PRKG1: variants seen among roughly 807,000 people sequenced by gnomAD.
PRKG1 encodes protein kinase cGMP-dependent 1.
PRKG1 carries 35 observed loss-of-function variants against 88.1 expected under a neutral mutation model. That is an observed-to-expected ratio of 0.40 (90% confidence interval 0.30 to 0.53). The LOEUF (loss-of-function observed/expected upper bound fraction) is 0.53, where lower values mean the gene tolerates loss of function less well. Ranked by LOEUF, PRKG1 falls within the 20% of genes least tolerant of loss-of-function variation. PRKG1 has a pLI of 0.59. For synonymous variants in PRKG1, 303 were observed against 292.5 expected, an observed-to-expected ratio of 1.04 and a Z score of -0.37; for missense variants, 540 against 839.8, an observed-to-expected ratio of 0.64 and a Z score of 4.41.
At chr10:51,026,268 A>G (rs1371302156) in intron 1 of PRKG1, among the ~76,000 whole-genome samples, 3 of 152,154 alleles carry the variant, frequency 2.0e-5, no homozygotes, top group African/African-American at 7.2e-5. Flanking sequence ...GCACTTTGTT[A>G]TAACAGCCCT....
intron 2 of PRKG1, among the ~76,000 whole-genome samples, chr10:51,425,202 T>C (rs1838541140): frequency 6.6e-6 from 1 of 152,200 alleles, no homozygotes; most frequent in Non-Finnish European, 1.5e-5. Flanking sequence ...ATGTGATATT[T>C]TATTTTAGTC....
At chr10:51,387,776 G>A (rs1837290610) in intron 2 of PRKG1, among the ~76,000 whole-genome samples, 1 of 152,114 alleles carries the variant, frequency 6.6e-6, no homozygotes, top group East Asian at 1.9e-4. Context: ...TACACATGGA[G>A]TCATTTCCCT....
intron 3 of PRKG1, among the ~76,000 whole-genome samples, chr10:51,602,732 A>ATATG (rs1477531011): frequency 8.7e-4 from 112 of 128,912 alleles, no homozygotes; most frequent in African/African-American, 4.0e-3. Flanking sequence ...ATTAATATAT[A>ATATG]TGTGTGTGTG....
At chr10:52,091,964 A>T (rs931312756) in intron 7 of PRKG1, among the ~76,000 whole-genome samples, 1 of 152,272 alleles carries the variant, frequency 6.6e-6, no homozygotes, top group African/African-American at 2.4e-5. Context: ...AGTAGGGCTG[A>T]CTTGATGTCA....
At chr10:52,100,895 T>C (rs2132565724) in intron 7 of PRKG1, among the ~76,000 whole-genome samples, 1 of 152,342 alleles carries the variant, frequency 6.6e-6, no homozygotes, top group East Asian at 1.9e-4. Context: ...GAAATAATAT[T>C]TTCAATGCTG....
intron 3 of PRKG1, among the ~76,000 whole-genome samples, chr10:51,490,685 C>A (rs182207971): frequency 1.3e-5 from 2 of 152,114 alleles, no homozygotes; most frequent in African/African-American, 4.8e-5. Flanking sequence ...TTTCATAGAT[C>A]GTTCTGAAAA....
intron 7 of PRKG1, among the ~76,000 whole-genome samples, chr10:52,110,757 T>C (rs1326308288): frequency 6.6e-6 from 1 of 152,164 alleles, no homozygotes; most frequent in Admixed American, 6.5e-5. Context: ...ATTCACATAG[T>C]TGGTACCACT....
intron 3 of PRKG1, among the ~76,000 whole-genome samples, chr10:51,500,672 G>T (rs1416791600): frequency 1.3e-5 from 2 of 152,102 alleles, no homozygotes; most frequent in Non-Finnish European, 2.9e-5. Context: ...TTATTCTGTT[G>T]TTCTGGCTAC....
chr10:51,302,622 A>G (rs1589335086), intron 2 of PRKG1: 1 of 151,542 alleles, frequency 6.6e-6, no homozygotes, highest in Non-Finnish European at 1.5e-5. Context: ...TTTACTAAAT[A>G]TGGGGGTTTG....
At chr10:51,962,133 T>C (rs1165273966) in intron 5 of PRKG1, among the ~76,000 whole-genome samples, 1 of 152,044 alleles carries the variant, frequency 6.6e-6, no homozygotes, top group African/African-American at 2.4e-5. Flanking sequence ...AGACTCTTGG[T>C]TGGGAGAGAA....
intron 1 of PRKG1, among the ~76,000 whole-genome samples, chr10:51,137,983 T>C (rs1316280058): frequency 6.6e-6 from 1 of 152,214 alleles, no homozygotes; most frequent in Non-Finnish European, 1.5e-5. Flanking sequence ...TGAAAGTTAC[T>C]TTGGGGACTT....
intron 4 of PRKG1, among the ~76,000 whole-genome samples, chr10:51,818,432 A>G (rs888947798): frequency 6.6e-6 from 1 of 152,206 alleles, no homozygotes; most frequent in Non-Finnish European, 1.5e-5. Context: ...AAAATCAAAC[A>G]TGTCAGAAAA....
chr10:51,300,774 G>C (rs1840862173), intron 2 of PRKG1, among the ~76,000 whole-genome samples: 1 of 152,178 alleles, frequency 6.6e-6, no homozygotes, highest in Non-Finnish European at 1.5e-5. Context: ...CAGCAGGGCT[G>C]CTCTCTCCAG....
At chr10:51,884,912 G>A (rs1841531614) in intron 4 of PRKG1, among the ~76,000 whole-genome samples, 3 of 152,160 alleles carry the variant, frequency 2.0e-5, no homozygotes, top group Admixed American at 2.0e-4. Context: ...AAAGTGTTTG[G>A]AAGCATCTTT....
chr10:51,337,010 A>G (rs944367771), intron 2 of PRKG1, among the ~76,000 whole-genome samples: 33 of 152,228 alleles, frequency 2.2e-4, no homozygotes, highest in Admixed American at 2.6e-4. Context: ...ACTTCAAACC[A>G]TATTATAAGG....
intron 3 of PRKG1, among the ~76,000 whole-genome samples, chr10:51,579,757 T>C (rs539467254): frequency 1.3e-5 from 2 of 152,140 alleles, no homozygotes; most frequent in Non-Finnish European, 2.9e-5. Context: ...AATGTTGATA[T>C]TTGTGTCAAT....
chr10:51,298,643 T>C (rs936671124), intron 2 of PRKG1, among the ~76,000 whole-genome samples: 1 of 152,146 alleles, frequency 6.6e-6, no homozygotes, highest in Non-Finnish European at 1.5e-5. Context: ...TAGGGGGTAA[T>C]GTAGGAATTG....
chr10:51,812,784 T>A (rs1937688), intron 4 of PRKG1, among the ~76,000 whole-genome samples: 5 of 151,922 alleles, frequency 3.3e-5, no homozygotes, highest in African/African-American at 1.2e-4. Context: ...TTTCTCTCAG[T>A]TCATGAGGTA....
At chr10:52,001,575 A>T (rs1276188754) in intron 5 of PRKG1, among the ~76,000 whole-genome samples, 5 of 151,450 alleles carry the variant, frequency 3.3e-5, no homozygotes, top group Non-Finnish European at 7.4e-5. Flanking sequence ...TCCTTCAGTC[A>T]TTTTTTTTCC....
Sources: allele counts gnomAD v4.1 joint callset (sites outside exome capture counted in the v4.1 genomes callset), GRCh38; gene constraint gnomAD v4.1.1; transcripts MANE v1.5; gene names NCBI Gene and HGNC (gene_info 2026-07-23, HGNC 2026-07-21).